The following EDNRA variants were observed in gnomAD, a reference collection of about 807,000 sequenced individuals.
The protein encoded by EDNRA is endothelin-1 receptor.
EDNRA carries 11 observed loss-of-function variants against 41.4 expected under a neutral mutation model. The observed-to-expected ratio is 0.27, with a 90% CI of 0.17 to 0.44. The LOEUF is 0.44. Ranked by LOEUF, EDNRA falls within the 20% of genes least tolerant of loss-of-function variation. EDNRA has a pLI of 1.00. For missense variants in EDNRA, 294 were observed against 531.0 expected (o/e 0.55, Z 4.39); for synonymous variants, 172 against 183.0 (o/e 0.94, Z 0.49).
In EDNRA at chr4:147,499,384, A is replaced by G. The variant is rs146451758; in HGVS notation, c.420+13283A>G. Among the ~76,000 whole-genome samples the G allele has an allele frequency of 7.9e-5, 12 of 152,364 alleles. No individual in the cohort carries two copies. In the East Asian group the frequency reaches 2.3e-3, roughly 29 times the overall value. ...AGTCATTATTTTGTATTTGAAAAAAATAAATAATGAAGGGACCATTTCATG... is the reference window on the plus strand; with the variant it reads ...AGTCATTATTTTGTATTTGAAAAAAGTAAATAATGAAGGGACCATTTCATG... On this transcript the variant is annotated intron_variant, in intron 2 of 7. Coordinates refer to ENST00000651419, the MANE Select transcript of EDNRA (RefSeq NM_001957.4).
rs542514427 is a variant in EDNRA at position 147,493,278 on chromosome 4, T to A, written c.420+7177T>A. The A allele has an allele frequency of 9.9e-5, 15 of 152,260 alleles. No individual in the cohort carries two copies. In the East Asian group the frequency reaches 2.9e-3, roughly 29 times the overall value. The allele number at this position is 152,260 out of a possible 1,614,324, so 9.4% of individuals were successfully genotyped here. A position where few individuals can be genotyped will look rare whatever the true frequency, so the allele number is the denominator to read the frequency against. On this transcript the variant is annotated intron_variant, in intron 2 of 7. Transcript: ENST00000651419. ...TTGTGTATGCGTGTGTGTGCTTGTGTGTGTGTGTAAATGTTGCTCTGGTTC... is the reference window on the plus strand; with the variant it reads ...TTGTGTATGCGTGTGTGTGCTTGTGAGTGTGTGTAAATGTTGCTCTGGTTC...
intron 3 of EDNRA, among the ~76,000 whole-genome samples, chr4:147,530,909 T>A (rs1730718012): frequency 6.6e-6 from 1 of 152,178 alleles, no homozygotes; most frequent in South Asian, 2.1e-4. Context: ...CACTATCTAA[T>A]GAAAACTATA....
At chr4:147,526,327 C>T (rs913877381) in intron 3 of EDNRA, among the ~76,000 whole-genome samples, 10 of 152,204 alleles carry the variant, frequency 6.6e-5, no homozygotes, top group African/African-American at 2.4e-4. Context: ...AATTCTTCTG[C>T]TCCTTGTCAC....
chr4:147,536,376 C>T (rs1446994437), intron 5 of EDNRA, among the ~76,000 whole-genome samples: 3 of 152,186 alleles, frequency 2.0e-5, no homozygotes, highest in Non-Finnish European at 2.9e-5. Context: ...TGCAGATTTA[C>T]AGTCTTGTTG....
chr4:147,492,634 CAAAAT>C (rs1456924272), intron 2 of EDNRA: 2 of 148,578 alleles, frequency 1.3e-5, no homozygotes, highest in African/African-American at 5.0e-5. Context: ...TTTGGAATAT[CAAAAT>C]AAACATTCAT....
chr4:147,526,223 C>T (rs1375654810), intron 3 of EDNRA, among the ~76,000 whole-genome samples: 1 of 152,118 alleles, frequency 6.6e-6, no homozygotes, highest in Non-Finnish European at 1.5e-5. Context: ...ATTTTGCTAC[C>T]CCACTTCTCT....
rs1167879573 is a variant in EDNRA at position 147,486,643 on chromosome 4, T to C, written c.420+542T>C. On this transcript the variant is annotated intron_variant, in intron 2 of 7. Transcript: ENST00000651419. The surrounding 1 kb of genome is among the most constrained non-coding windows in gnomAD (Gnocchi z 4.3). ...CTCAGTGATATGGGTGACTTAGAGA[T>C]AATGGGGTCCACATGATAGCAGGCC... Among the ~76,000 whole-genome samples the C allele has an allele frequency of 6.6e-6, 1 of 152,220 alleles. No individual in the cohort carries two copies. The highest frequency in any genetic ancestry group is 1.5e-5 in the Non-Finnish European group (1 of 68,032).
intron 4 of EDNRA, among the ~76,000 whole-genome samples, chr4:147,533,210 CG>C (rs1206586501): frequency 2.0e-5 from 3 of 152,028 alleles, no homozygotes; most frequent in African/African-American, 7.2e-5. Context: ...TATATTAGTA[CG>C]GTTTCTATGT....
intron 2 of EDNRA, among the ~76,000 whole-genome samples, chr4:147,505,749 C>T (rs1257827888): frequency 6.7e-6 from 1 of 148,654 alleles, no homozygotes; most frequent in South Asian, 2.2e-4. Context: ...CCTGGGTTCA[C>T]GTCATTCTCC....
At chr4:147,520,007 G>A in intron 3 of EDNRA, 29 bp downstream of exon 3, 1 of 1,584,894 alleles carries the variant, frequency 6.3e-7, no homozygotes, top group African/African-American at 1.4e-5. Flanking sequence ...TTTGCTCTTT[G>A]GCTGGGCTTA....
intron 7 of EDNRA, among the ~76,000 whole-genome samples, chr4:147,540,908 CCT>C (rs1164182005): frequency 1.3e-5 from 2 of 151,350 alleles, no homozygotes; most frequent in Non-Finnish European, 2.9e-5. Flanking sequence ...ATGGTGAAAC[CCT>C]GTCTCTACTA....
At chr4:147,493,143 A>G (rs1729194804) in intron 2 of EDNRA, 1 of 152,166 alleles carries the variant, frequency 6.6e-6, no homozygotes, top group African/African-American at 2.4e-5. Context: ...ATGTTCCCCC[A>G]TCAAAGAGTT....
chr4:147,506,601 A>G (rs1436847784), intron 2 of EDNRA: 2 of 298,220 alleles, frequency 6.7e-6, no homozygotes, highest in Non-Finnish European at 1.4e-5. Context: ...CTTTAGAAAT[A>G]TCAATATTAT....
At chr4:147,531,831 C>T (rs1730748632) in intron 3 of EDNRA, 1 of 152,232 alleles carries the variant, frequency 6.6e-6, no homozygotes, top group Non-Finnish European at 1.5e-5. Flanking sequence ...ACGGTGAAAC[C>T]CCATCTCTAC....
chr4:147,518,689 G>T (rs1578800281), intron 2 of EDNRA, among the ~76,000 whole-genome samples: 1 of 151,792 alleles, frequency 6.6e-6, no homozygotes, highest in East Asian at 1.9e-4. Context: ...ATCATCTTTT[G>T]GAAATAGTAG....
chr4:147,510,776 A>T (rs1431900036), intron 2 of EDNRA, among the ~76,000 whole-genome samples: 1 of 152,232 alleles, frequency 6.6e-6, no homozygotes, highest in Non-Finnish European at 1.5e-5. Context: ...CTTTTTAGGT[A>T]GAAAAAAAGG....
intron 5 of EDNRA, among the ~76,000 whole-genome samples, chr4:147,539,147 T>C (rs1731014884): frequency 1.3e-5 from 2 of 151,792 alleles, no homozygotes; most frequent in Non-Finnish European, 2.9e-5. Context: ...TCCTTCTGCT[T>C]GCAAACAACA....
intron 4 of EDNRA, among the ~76,000 whole-genome samples, chr4:147,535,131 T>A (rs536020129): frequency 1.3e-5 from 2 of 152,324 alleles, no homozygotes; most frequent in African/African-American, 2.4e-5. Flanking sequence ...AGAATTTAGA[T>A]ATCATTTTTC....
At chr4:147,491,678 C>A (rs1252015898) in intron 2 of EDNRA, 2 of 152,286 alleles carry the variant, frequency 1.3e-5, no homozygotes, top group East Asian at 3.9e-4. Context: ...CCAACTTAGT[C>A]AAGTTACCCA....
Sources: allele counts gnomAD v4.1 joint callset (sites outside exome capture counted in the v4.1 genomes callset), GRCh38; gene constraint gnomAD v4.1.1; non-coding constraint Gnocchi (gnomAD v3.1); transcripts MANE v1.5; gene names NCBI Gene and HGNC (gene_info 2026-07-23, HGNC 2026-07-21).